PREX1: variants seen among roughly 807,000 people sequenced by gnomAD.
PREX1 encodes the protein phosphatidylinositol 3,4,5-trisphosphate-dependent Rac exchanger 1 protein.
PREX1 carries 41 observed loss-of-function variants against 198.3 expected under a neutral mutation model. The ratio of observed to expected loss-of-function variants is 0.21; its 90% confidence interval spans 0.16 to 0.27. The LOEUF (loss-of-function observed/expected upper bound fraction) is 0.27. PREX1 is among the 10% of genes least tolerant of loss of function. PREX1 has a pLI of 1.00. For synonymous variants in PREX1, 843 were observed against 887.2 expected, an observed-to-expected ratio of 0.95 and a Z score of 0.89; for missense variants, 1,620 against 2,200.7, an observed-to-expected ratio of 0.74 and a Z score of 5.28.
intron 16 of PREX1, 51 bp from the exon 17 acceptor site, chr20:48,658,279 G>A (rs370293815): frequency 1.5e-5 from 23 of 1,583,644 alleles, no homozygotes; most frequent in African/African-American, 4.0e-5. Context: ...GTGGGCCTAC[G>A]GCCAGCCCCA....
rs116671299 is a variant in PREX1 at position 48,636,658 on chromosome 20, G to A, written c.3972C>T (p.Asp1324=). ...CTDTELQLRR[D]AIFCQALVAA... The stretch of plus-strand genomic sequence containing the variant: ...CCACCAGGGCCTGGCAGAAGATCGC[G>A]TCTCTGCGCAGCTGCAGCTCCGTGT... Residue 1324 remains aspartate (D), a synonymous_variant, in exon 32 of 40, where the codon GAC becomes GAT. Coordinates refer to ENST00000371941, the MANE Select transcript of PREX1 (RefSeq NM_020820.4). 646 of 1,609,216 alleles carry A rather than the reference G, an allele frequency of 4.0e-4. 4 individuals carry two copies. In the African/African-American group the frequency reaches 7.3e-3, roughly 18 times the overall value.
At chr20:48,631,947 T>C (rs11697155) in intron 35 of PREX1, among the ~76,000 whole-genome samples, 11,962 of 152,162 alleles carry the variant, frequency 0.079, 536 homozygotes, top group South Asian at 0.13. Context: ...CCACCCTCTG[T>C]AGAATGAAGC....
At chr20:48,771,290 T>C (rs2090234478) in intron 1 of PREX1, among the ~76,000 whole-genome samples, 1 of 150,782 alleles carries the variant, frequency 6.6e-6, no homozygotes, top group African/African-American at 2.4e-5. Flanking sequence ...GCGCTCACAG[T>C]GGTGTTTCAA....
intron 15 of PREX1, among the ~76,000 whole-genome samples, chr20:48,661,797 C>G (rs1054358032): frequency 2.6e-5 from 4 of 152,002 alleles, no homozygotes; most frequent in African/African-American, 9.7e-5. Context: ...AGCCAGCAGC[C>G]AGCAGGCAGC....
chr20:48,682,888 C>CAGAGGGGG (rs1231296137), intron 10 of PREX1, among the ~76,000 whole-genome samples: 2 of 152,228 alleles, frequency 1.3e-5, no homozygotes, highest in Non-Finnish European at 2.9e-5. Flanking sequence ...GCTGTCCCGC[C>CAGAGGGGG]TCCAATTACA....
rs150619349 is a variant in PREX1 at position 48,718,324 on chromosome 20, T to C, written c.621+7966A>G. 1.6e-3 allele frequency among the ~76,000 whole-genome samples: 251 copies of C among 152,264 alleles called. 1 individual carries two copies. Among genetic ancestry groups the C allele is most frequent in the African/African-American group, 5.3e-3 (221 of 41,548 alleles). ...GTAAAATGGTGAGAGATGGTGGTGATTGATGGTGATGGTAATGGTGGTGGT... is the reference window on the plus strand; with the variant it reads ...GTAAAATGGTGAGAGATGGTGGTGACTGATGGTGATGGTAATGGTGGTGGT... On this transcript the variant is annotated intron_variant, in intron 5 of 39. Coordinates refer to ENST00000371941, the MANE Select transcript of PREX1 (RefSeq NM_020820.4).
chr20:48,777,608 C>A (rs2090268439), intron 1 of PREX1, among the ~76,000 whole-genome samples: 1 of 152,126 alleles, frequency 6.6e-6, no homozygotes, highest in Non-Finnish European at 1.5e-5. Context: ...TCAAGGTAGC[C>A]ACAACCACAC....
rs556007544 is a variant in PREX1 at position 48,624,927 on chromosome 20, C to T, written c.*958G>A. ...GAGAGCGAGTTCTAACACCGGCCAACCGCTGGAGAATGGAGGGTGGGGGAA... is the reference window on the plus strand; with the variant it reads ...GAGAGCGAGTTCTAACACCGGCCAATCGCTGGAGAATGGAGGGTGGGGGAA... On this transcript the variant is annotated 3_prime_UTR_variant, in exon 40 of 40. Transcript: ENST00000371941. 2 of 152,488 alleles carry T rather than the reference C, an allele frequency of 1.3e-5. No individual in the cohort carries two copies. Among genetic ancestry groups the T allele is most frequent in the Admixed American group, 1.3e-4 (2 of 15,312 alleles). 9.4% of individuals were successfully genotyped at this position (152,488 alleles called of 1,614,324 possible).
chr20:48,636,470 G>A lies in PREX1; in HGVS notation c.4160C>T (p.Ala1387Val), dbSNP rs1395204356. The change falls in exon 32 of 40, where the codon GCC (alanine) becomes GTC (valine). Residue 1387 changes from alanine to valine, a missense_variant. Ala to Val is a moderately conservative substitution (Grantham distance 64, BLOSUM62 0). Coordinates refer to ENST00000371941, the MANE Select transcript of PREX1 (RefSeq NM_020820.4). Reference sequence around the variant, plus strand: ...CCCGCCCCACTCACTCACCACTGTGGCTGGCGAGAGCAGGGACTGGCAGTG... The same window carrying A: ...CCCGCCCCACTCACTCACCACTGTGACTGGCGAGAGCAGGGACTGGCAGTG... ...LLHCQSLLSP[A>V]TVKEERTMLE... The A allele has an allele frequency of 3.1e-5, 50 of 1,603,718 alleles. No homozygotes were observed. Among genetic ancestry groups the A allele is most frequent in the Non-Finnish European group, 4.2e-5 (50 of 1,177,754 alleles).
chr20:48,753,300 T>A (rs2090142173), intron 1 of PREX1, among the ~76,000 whole-genome samples: 2 of 152,128 alleles, frequency 1.3e-5, no homozygotes, highest in South Asian at 4.1e-4. Flanking sequence ...AGCAAACTGG[T>A]GACAAAACAC....
At chr20:48,847,811 TC>T in the PREX1 span, among the ~76,000 whole-genome samples, 2 of 152,296 alleles carry the variant, frequency 1.3e-5, no homozygotes, top group African/African-American at 4.8e-5. Context: ...TCAGCCCCCA[TC>T]CTTCTGATTT....
the PREX1 span, among the ~76,000 whole-genome samples, chr20:48,887,578 C>A: frequency 2.0e-5 from 3 of 152,162 alleles, no homozygotes; most frequent in Admixed American, 6.5e-5. Context: ...CAAGATCACA[C>A]CACTGCACTC....
chr20:48,841,697 C>T, the PREX1 span, among the ~76,000 whole-genome samples: 1 of 152,160 alleles, frequency 6.6e-6, no homozygotes, highest in Non-Finnish European at 1.5e-5. Flanking sequence ...CAATCAGAAC[C>T]GCAGCCGGCT....
At chr20:48,656,373 C>T (rs1049606090) in intron 18 of PREX1, 19 of 431,030 alleles carry the variant, frequency 4.4e-5, no homozygotes, top group Non-Finnish European at 8.0e-5. Context: ...CACAGGACTT[C>T]GATCAGAAGC....
At chr20:48,766,160 T>C (rs930108495) in intron 1 of PREX1, among the ~76,000 whole-genome samples, 6 of 152,148 alleles carry the variant, frequency 3.9e-5, no homozygotes, top group Non-Finnish European at 8.8e-5. Flanking sequence ...TATGTTACAA[T>C]GTAATAATAA....
At chr20:48,825,309 G>A (rs2090504035) in intron 1 of PREX1, among the ~76,000 whole-genome samples, 1 of 152,152 alleles carries the variant, frequency 6.6e-6, no homozygotes, top group African/African-American at 2.4e-5. Context: ...AGGAAGCCCG[G>A]ATTCCCCGCT....
At chr20:48,880,234 T>C in the PREX1 span, among the ~76,000 whole-genome samples, 1 of 152,186 alleles carries the variant, frequency 6.6e-6, no homozygotes, top group Non-Finnish European at 1.5e-5. Flanking sequence ...TTTATACAAA[T>C]ATATACACCT....
chr20:48,816,823 G>A (rs1335365052), intron 1 of PREX1, among the ~76,000 whole-genome samples: 1 of 118,262 alleles, frequency 8.5e-6, no homozygotes, highest in Non-Finnish European at 2.1e-5. Flanking sequence ...CACCCTGATG[G>A]CAGCCTCATG....
At chr20:48,721,677 G>C (rs977983378) in intron 5 of PREX1, among the ~76,000 whole-genome samples, 1 of 152,200 alleles carries the variant, frequency 6.6e-6, no homozygotes, top group Admixed American at 6.5e-5. Flanking sequence ...GGGTAGTCCG[G>C]GGAGGAGTGA....
Sources: gnomAD v4.1 joint callset for allele counts (sites outside exome capture counted in the v4.1 genomes callset) on GRCh38, gnomAD v4.1.1 for gene constraint, MANE v1.5 for transcripts, NCBI Gene and HGNC (gene_info 2026-07-23, HGNC 2026-07-21) for gene names.